Variants in ZNF438 observed in about 807,000 individuals in gnomAD.
ZNF438 encodes zinc finger protein 438.
ZNF438 carries 25 observed loss-of-function variants against 38.0 expected under a neutral mutation model. The observed-to-expected ratio is 0.66, with a 90% CI of 0.48 to 0.92. The LOEUF is 0.92. Among genes scored for constraint, ZNF438 ranks in the 40% least tolerant of loss-of-function variants. The pLI, the probability that ZNF438 is intolerant of heterozygous loss-of-function variation, is 0.00. For synonymous variants in ZNF438, 372 were observed against 364.1 expected, an observed-to-expected ratio of 1.02 and a Z score of -0.25; for missense variants, 1,007 against 999.6, an observed-to-expected ratio of 1.01 and a Z score of -0.10.
intron 4 of ZNF438, among the ~76,000 whole-genome samples, chr10:30,874,110 GTGTGTATATATATATATATATATATATA>G (rs1288065965): frequency 0.019 from 594 of 31,648 alleles, 18 homozygotes; most frequent in African/African-American, 0.095. Context: ...GGGGGTGTGT[GTGTGTATATATATATATATATATATATA>G]TATATATATA....
intron 5 of ZNF438, among the ~76,000 whole-genome samples, chr10:30,846,030 A>G (rs1390965725): frequency 6.6e-6 from 1 of 152,234 alleles, no homozygotes; most frequent in Non-Finnish European, 1.5e-5. Context: ...TTCAGTAAAA[A>G]TAAAGGGTGC....
intron 3 of ZNF438, among the ~76,000 whole-genome samples, chr10:30,903,983 G>A (rs946308708): frequency 3.5e-5 from 5 of 142,230 alleles, no homozygotes; most frequent in African/African-American, 7.8e-5. Context: ...TTTAGTAACA[G>A]CACAACAAAT....
chr10:30,877,189 A>G, intron 3 of ZNF438, 124 bp from the exon 5 acceptor site: 1 of 469,816 alleles, frequency 2.1e-6, no homozygotes. Flanking sequence ...AGTAATAAGA[A>G]ATGGATTGAG....
At chr10:30,902,109 C>T (rs1413395982) in intron 3 of ZNF438, among the ~76,000 whole-genome samples, 1 of 152,088 alleles carries the variant, frequency 6.6e-6, no homozygotes, top group Non-Finnish European at 1.5e-5. Context: ...AACAAAGCTT[C>T]CACAGTGTGG....
Position 30,977,026 on chromosome 10 carries a change from C to T in ZNF438, c.-191-35375G>A, listed in dbSNP as rs576591750. Reference sequence around the variant, plus strand: ...TAACTTTACGAAAACTGATCATAGGCTAGTCCAGAAATACAACCATAAAAA... The same window carrying T: ...TAACTTTACGAAAACTGATCATAGGTTAGTCCAGAAATACAACCATAAAAA... On this transcript the variant is annotated intron_variant, in intron 1 of 5. Transcript: ENST00000413025. 2.0e-5 allele frequency among the ~76,000 whole-genome samples: 3 copies of T among 152,234 alleles called. No individual in the cohort carries two copies. The East Asian group carries it at 5.8e-4, about 29-fold the overall frequency.
chr10:30,849,196 A>G lies in ZNF438; in HGVS notation c.1209T>C (p.Tyr403=), dbSNP rs753779191. The G allele has an allele frequency of 2.5e-5, 40 of 1,614,050 alleles. 2 individuals are homozygous for G. The Middle Eastern group carries it at 6.6e-4, about 27-fold the overall frequency. Residue 403 remains tyrosine (Y), a synonymous_variant, in exon 5 of 6, where the codon TAT becomes TAC. Coordinates refer to ENST00000413025, the Ensembl canonical transcript of ZNF438. Reference sequence around the variant, plus strand: ...TACCATCTCTACACTTATTAATGATATATTTCCTCCTTTTTCCCTGAAATG... The same window carrying G: ...TACCATCTCTACACTTATTAATGATGTATTTCCTCCTTTTTCCCTGAAATG...
intron 1 of ZNF438, among the ~76,000 whole-genome samples, chr10:30,964,158 C>CT (rs1367274444): frequency 1.3e-5 from 2 of 152,188 alleles, no homozygotes; most frequent in African/African-American, 4.8e-5. Context: ...CAAGCATTCT[C>CT]TTTTTTAGTT....
At chr10:30,979,171 C>A (rs557887813) in intron 1 of ZNF438, among the ~76,000 whole-genome samples, 1 of 152,162 alleles carries the variant, frequency 6.6e-6, no homozygotes, top group Non-Finnish European at 1.5e-5. Context: ...TGAAAATGCA[C>A]CTAGTCACCC....
At chr10:30,992,606 T>A (rs1001998177) in intron 1 of ZNF438, among the ~76,000 whole-genome samples, 5 of 152,020 alleles carry the variant, frequency 3.3e-5, no homozygotes, top group African/African-American at 9.7e-5. Context: ...AGAGGAGGGG[T>A]TCTGCCATGT....
chr10:30,904,621 G>C (rs1203529561), intron 3 of ZNF438, among the ~76,000 whole-genome samples: 24 of 152,160 alleles, frequency 1.6e-4, no homozygotes. Flanking sequence ...ACATTGATGA[G>C]GTTGTCCACA....
intron 1 of ZNF438, among the ~76,000 whole-genome samples, chr10:31,029,814 T>C (rs2057168653): frequency 6.6e-6 from 1 of 152,240 alleles, no homozygotes; most frequent in South Asian, 2.1e-4. Flanking sequence ...TGGCCACTAC[T>C]TTCCCCGTTC....
At chr10:30,904,534 G>A (rs758070789) in intron 3 of ZNF438, among the ~76,000 whole-genome samples, 5 of 152,020 alleles carry the variant, frequency 3.3e-5, no homozygotes, top group Non-Finnish European at 5.9e-5. Flanking sequence ...TTTTCTAACT[G>A]ACACAGCCAG....
chr10:30,927,910 A>C (rs1384851326), intron 2 of ZNF438, among the ~76,000 whole-genome samples: 1 of 152,220 alleles, frequency 6.6e-6, no homozygotes, highest in East Asian at 1.9e-4. Context: ...CAAAATATCC[A>C]TAATAGACTA....
chr10:30,898,150 G>A (rs1456685158), intron 3 of ZNF438, among the ~76,000 whole-genome samples: 1 of 152,132 alleles, frequency 6.6e-6, no homozygotes, highest in Non-Finnish European at 1.5e-5. Context: ...AAATTGCTAA[G>A]GGTGGTAGCC....
chr10:30,874,830 T>C (rs1338872798), intron 4 of ZNF438, among the ~76,000 whole-genome samples: 1 of 150,802 alleles, frequency 6.6e-6, no homozygotes, highest in East Asian at 1.9e-4. Context: ...AAATATATAT[T>C]CTCTATAATT....
At chr10:30,928,701 CAGTTA>C (rs1233406916) in intron 2 of ZNF438, among the ~76,000 whole-genome samples, 1 of 152,114 alleles carries the variant, frequency 6.6e-6, no homozygotes, top group Non-Finnish European at 1.5e-5. Flanking sequence ...ACCAGACATT[CAGTTA>C]ACTCTACCCT....
chr10:30,988,155 TG>T (rs2053060276), intron 1 of ZNF438, among the ~76,000 whole-genome samples: 1 of 152,056 alleles, frequency 6.6e-6, no homozygotes, highest in South Asian at 2.1e-4. Flanking sequence ...GCTTTGAAAA[TG>T]TATGTGCTAG....
intron 1 of ZNF438, among the ~76,000 whole-genome samples, chr10:30,961,149 TAAA>T (rs562859851): frequency 6.3e-5 from 8 of 127,696 alleles, no homozygotes; most frequent in East Asian, 6.2e-4. Context: ...GCCTGTTTCT[TAAA>T]AAAAAAAAAA....
chr10:30,951,820 C>G (rs929604440), intron 1 of ZNF438, among the ~76,000 whole-genome samples: 1 of 150,666 alleles, frequency 6.6e-6, no homozygotes, highest in African/African-American at 2.4e-5. Flanking sequence ...AATGGCCATA[C>G]TGCCCAAGGT....
Sources: gnomAD v4.1 joint callset for allele counts (sites outside exome capture counted in the v4.1 genomes callset) on GRCh38, gnomAD v4.1.1 for gene constraint, MANE v1.5 for transcripts, NCBI Gene and HGNC (gene_info 2026-07-23, HGNC 2026-07-21) for gene names.